Variants in SIPA1L1 observed in about 807,000 individuals in gnomAD.
SIPA1L1 encodes signal induced proliferation associated 1 like 1, also known as signal-induced proliferation-associated 1-like protein 1.
SIPA1L1 carries 26 observed loss-of-function variants against 162.7 expected under a neutral mutation model. The ratio of observed to expected loss-of-function variants is 0.16; its 90% CI spans 0.12 to 0.22. The LOEUF (loss-of-function observed/expected upper bound fraction) is 0.22, where lower values mean the gene tolerates loss of function less well. Among genes scored for constraint, SIPA1L1 ranks in the 10% least tolerant of loss-of-function variants. The pLI is 1.00. For missense variants in SIPA1L1, 1,874 were observed against 2,241.0 expected, an observed-to-expected ratio of 0.84 and a Z score of 3.31; for synonymous variants, 829 against 837.4, an observed-to-expected ratio of 0.99 and a Z score of 0.17.
intron 3 of SIPA1L1, among the ~76,000 whole-genome samples, chr14:71,520,318 ATTGT>A (rs1210520153): frequency 1.3e-5 from 2 of 152,152 alleles, no homozygotes; most frequent in Non-Finnish European, 2.9e-5. Flanking sequence ...ACAAATCAAA[ATTGT>A]TTGTCACTGA....
chr14:71,589,263 A>G lies in SIPA1L1; in HGVS notation c.1391A>G (p.Glu464Gly). The stretch of plus-strand genomic sequence containing the variant: ...ACAAATGCAGGAGTGGCAGTACTTG[A>G]AGTGCCCAAGGAGAACTTGGTGTTG... Reference protein sequence around the residue: ...HCTNAGVAVLEVPKENLVLHL... With the variant: ...HCTNAGVAVLGVPKENLVLHL... Residue 464 changes from glutamate (E) to glycine (G), a missense_variant, in exon 5 of 24, where the codon GAA becomes GGA. This residue lies in a region of SIPA1L1 where 685 missense variants were observed against 828.0 expected (regional missense o/e 0.83). Transcript: ENST00000381232. 1.9e-6 allele frequency: 3 copies of G among 1,614,024 alleles called. No individual in the cohort carries two copies. The highest frequency in any genetic ancestry group is 2.5e-6 in the Non-Finnish European group (3 of 1,179,884).
At chr14:71,491,119 C>T (rs571710627) in intron 2 of SIPA1L1, among the ~76,000 whole-genome samples, 12 of 152,228 alleles carry the variant, frequency 7.9e-5, no homozygotes, top group Admixed American at 2.6e-4. Context: ...ATTAAATTCA[C>T]CTATTAATAT....
chr14:71,323,653 C>A (rs2033423564), intron 2 of SIPA1L1, among the ~76,000 whole-genome samples: 1 of 151,926 alleles, frequency 6.6e-6, no homozygotes, highest in Non-Finnish European at 1.5e-5. Flanking sequence ...CCCTTTGGAT[C>A]AAATCATGGA....
At chr14:71,598,237 G>A in intron 5 of SIPA1L1, 1 of 985,222 alleles carries the variant, frequency 1.0e-6, no homozygotes. Context: ...TTTTACTATT[G>A]TAAACTTTAC....
At chr14:71,498,397 G>A (rs954460976) in intron 2 of SIPA1L1, among the ~76,000 whole-genome samples, 2 of 151,890 alleles carry the variant, frequency 1.3e-5, no homozygotes, top group African/African-American at 2.4e-5. Flanking sequence ...TCGGTTTTTG[G>A]TTTACTGCTT....
At chr14:71,735,231 G>A (rs1286512950) in intron 21 of SIPA1L1, 46 bp from the exon 22 acceptor site, 2 of 1,299,864 alleles carry the variant, frequency 1.5e-6, no homozygotes, top group Middle Eastern at 3.6e-4. Context: ...GATAGGGCCA[G>A]GGATGTGGTT....
intron 2 of SIPA1L1, among the ~76,000 whole-genome samples, chr14:71,414,542 T>G (rs2042625441): frequency 6.6e-6 from 1 of 152,272 alleles, no homozygotes; most frequent in Non-Finnish European, 1.5e-5. Context: ...CATTGATTTC[T>G]GAATTCATTG....
At position 71,403,489 on chromosome 14, in the gene SIPA1L1, A is replaced by C. The variant is rs572155871; in HGVS notation, c.-465+82308A>C. Among the ~76,000 whole-genome samples the C allele has an allele frequency of 3.2e-4, 49 of 150,944 alleles. No individual in the cohort carries two copies. The East Asian group carries it at 6.3e-3, about 19-fold the overall frequency. ...GTGGCAGGCACCTGTAATCCCAGCT[A>C]CTCAGGAGGCTGAGGCAGGAGAATC... On this transcript the variant is annotated intron_variant, in intron 2 of 23. Transcript: ENST00000381232.
intron 5 of SIPA1L1, among the ~76,000 whole-genome samples, chr14:71,604,137 A>G (rs931611264): frequency 4.0e-5 from 6 of 150,730 alleles, no homozygotes; most frequent in Non-Finnish European, 8.9e-5. Context: ...AGCTGGGACT[A>G]TGGGCACATG....
At chr14:71,660,148 G>A (rs1351598039) in intron 9 of SIPA1L1, among the ~76,000 whole-genome samples, 1 of 152,036 alleles carries the variant, frequency 6.6e-6, no homozygotes, top group South Asian at 2.1e-4. Flanking sequence ...TGCAGGAATG[G>A]CATAACATGT....
intron 2 of SIPA1L1, among the ~76,000 whole-genome samples, chr14:71,489,303 C>T (rs1268629317): frequency 6.6e-6 from 1 of 152,186 alleles, no homozygotes; most frequent in Non-Finnish European, 1.5e-5. Context: ...AGCTAGATAA[C>T]GTCAGTGTGC....
chr14:71,326,211 CTTTTT>C (rs964178060), intron 2 of SIPA1L1, among the ~76,000 whole-genome samples: 1 of 142,384 alleles, frequency 7.0e-6, no homozygotes, highest in Non-Finnish European at 1.5e-5. Context: ...CGACTTGCTT[CTTTTT>C]TTTTTTTTTT....
chr14:71,359,119 T>C (rs1185885151), intron 2 of SIPA1L1, among the ~76,000 whole-genome samples: 2 of 152,140 alleles, frequency 1.3e-5, no homozygotes, highest in East Asian at 1.9e-4. Flanking sequence ...TCCCCACATA[T>C]TGTGGGAGGG....
chr14:71,499,775 T>G (rs1277112937), intron 2 of SIPA1L1, among the ~76,000 whole-genome samples: 1 of 152,196 alleles, frequency 6.6e-6, no homozygotes, highest in Non-Finnish European at 1.5e-5. Context: ...ATTACTTAGA[T>G]TCTCAGTTTC....
chr14:71,596,226 A>G (rs2036009826), intron 5 of SIPA1L1, among the ~76,000 whole-genome samples: 1 of 152,172 alleles, frequency 6.6e-6, no homozygotes, highest in Non-Finnish European at 1.5e-5. Flanking sequence ...GTCAATGCAA[A>G]GGGTCAAAAA....
At chr14:71,322,391 A>G (rs1206078174) in intron 2 of SIPA1L1, among the ~76,000 whole-genome samples, 3 of 152,220 alleles carry the variant, frequency 2.0e-5, no homozygotes, top group Non-Finnish European at 4.4e-5. Flanking sequence ...TTAGTTTTCT[A>G]TATAATCCTG....
intron 2 of SIPA1L1, among the ~76,000 whole-genome samples, chr14:71,472,841 GA>G (rs2047563523): frequency 4.5e-5 from 2 of 44,140 alleles, no homozygotes; most frequent in Non-Finnish European, 9.0e-5. Flanking sequence ...TTTATTCTAT[GA>G]AAACTTAAAA....
At chr14:71,417,288 G>A (rs557569783) in intron 2 of SIPA1L1, among the ~76,000 whole-genome samples, 15 of 151,142 alleles carry the variant, frequency 9.9e-5, no homozygotes, top group African/African-American at 2.7e-4. Flanking sequence ...TGGCTAACAC[G>A]GTGAAACCCC....
chr14:71,372,597 A>C (rs2038995933), intron 2 of SIPA1L1, among the ~76,000 whole-genome samples: 1 of 152,114 alleles, frequency 6.6e-6, no homozygotes, highest in Non-Finnish European at 1.5e-5. Context: ...CTTTCAGTAT[A>C]TTGACATCAC....
Sources: allele counts gnomAD v4.1 joint callset (sites outside exome capture counted in the v4.1 genomes callset), GRCh38; gene constraint gnomAD v4.1.1; regional missense constraint gnomAD v4.1.1; transcripts MANE v1.5; gene names NCBI Gene and HGNC (gene_info 2026-07-23, HGNC 2026-07-21).